The following SNX25 variants were observed in gnomAD, a reference collection of about 807,000 sequenced individuals.
The protein encoded by SNX25 is sorting nexin-25.
In SNX25, 62 loss-of-function variants were observed where a neutral mutation model predicts 113.7. The ratio of observed to expected loss-of-function variants is 0.55; its 90% CI spans 0.44 to 0.67. The LOEUF (loss-of-function observed/expected upper bound fraction) is 0.67, where lower values mean the gene tolerates loss of function less well. Ranked by LOEUF, SNX25 falls within the 30% of genes least tolerant of loss-of-function variation. The pLI is 0.00. For synonymous variants in SNX25, 421 were observed against 436.2 expected, an observed-to-expected ratio of 0.97 and a Z score of 0.43; for missense variants, 1,014 against 1,161.0, an observed-to-expected ratio of 0.87 and a Z score of 1.84.
intron 8 of SNX25, among the ~76,000 whole-genome samples, chr4:185,321,069 GA>G (rs1404147094): frequency 6.6e-6 from 1 of 151,842 alleles, no homozygotes; most frequent in Non-Finnish European, 1.5e-5. Flanking sequence ...GTAGTCAAGG[GA>G]AAAAAGGTTT....
At chr4:185,272,540 G>A (rs933789382) in intron 5 of SNX25, among the ~76,000 whole-genome samples, 6 of 152,064 alleles carry the variant, frequency 3.9e-5, no homozygotes, top group African/African-American at 7.2e-5. Context: ...TAGGTGCCTC[G>A]GCTTCACCCC....
intron 5 of SNX25, among the ~76,000 whole-genome samples, chr4:185,276,814 G>GC (rs1749768451): frequency 6.6e-6 from 1 of 152,208 alleles, no homozygotes; most frequent in Non-Finnish European, 1.5e-5. Flanking sequence ...CCTGCTGGCT[G>GC]CCCTTGGAGG....
At chr4:185,375,327 G>A in the SNX25 span, among the ~76,000 whole-genome samples, 2 of 148,586 alleles carry the variant, frequency 1.3e-5, no homozygotes, top group Non-Finnish European at 3.0e-5. Context: ...CGTGGTGGCA[G>A]TGCCTGTAAT....
chr4:185,276,326 A>C (rs1279189419), intron 5 of SNX25, among the ~76,000 whole-genome samples: 1 of 152,212 alleles, frequency 6.6e-6, no homozygotes, highest in Non-Finnish European at 1.5e-5. Context: ...AGGATAGCAA[A>C]TAGATTTAAT....
At chr4:185,354,817 G>T (rs1290046357) in intron 15 of SNX25, among the ~76,000 whole-genome samples, 2 of 152,214 alleles carry the variant, frequency 1.3e-5, no homozygotes, top group African/African-American at 4.8e-5. Flanking sequence ...CATACCTAGA[G>T]CCTCAGTACC....
At chr4:185,212,491 G>GTGTGTGTTTTTGTTTTT (rs546083196) in intron 1 of SNX25, among the ~76,000 whole-genome samples, 44 of 104,944 alleles carry the variant, frequency 4.2e-4, no homozygotes, top group East Asian at 1.3e-3. Flanking sequence ...GTGTGTGTGT[G>GTGTGTGTTTTTGTTTTT]TTTTTTTTTT....
At chr4:185,213,084 T>C (rs1237090649) in intron 1 of SNX25, among the ~76,000 whole-genome samples, 1 of 152,236 alleles carries the variant, frequency 6.6e-6, no homozygotes, top group Non-Finnish European at 1.5e-5. Context: ...TTTCAAATGC[T>C]TCTGAATACT....
chr4:185,348,734 CCTTT>C (rs1339108189), intron 13 of SNX25, among the ~76,000 whole-genome samples: 1 of 152,128 alleles, frequency 6.6e-6, no homozygotes, highest in Non-Finnish European at 1.5e-5. Flanking sequence ...CATTAAAAAA[CCTTT>C]CTTCTAGCTC....
chr4:185,264,688 G>T, intron 4 of SNX25, 78 bp downstream of exon 4: 2 of 1,401,376 alleles, frequency 1.4e-6, no homozygotes, highest in Non-Finnish European at 2.0e-6. Flanking sequence ...GTTTACTGTT[G>T]AACATATGGG....
At chr4:185,361,328 A>G (rs2095362537) in intron 16 of SNX25, among the ~76,000 whole-genome samples, 1 of 152,220 alleles carries the variant, frequency 6.6e-6, no homozygotes, top group Non-Finnish European at 1.5e-5. Flanking sequence ...TGCAGTCTGC[A>G]GACAAATCAG....
chr4:185,249,403 A>G (rs544898877), intron 2 of SNX25, among the ~76,000 whole-genome samples: 3 of 152,096 alleles, frequency 2.0e-5, no homozygotes. Flanking sequence ...ACACCTTTTC[A>G]TGTGTTATTG....
Position 185,363,135 on chromosome 4 carries a change from G to A in SNX25, c.2935-250G>A, listed in dbSNP as rs1044936929. ...TGGGATTACAGGCGGGAGCCACCTC[G>A]CCCATCCTCCCTTGACTTTTGATAT... is the stretch of plus-strand genomic sequence containing the variant. On this transcript the variant is annotated intron_variant, in intron 18 of 18. Coordinates refer to ENST00000652585, the MANE Select transcript of SNX25 (RefSeq NM_001378034.2). This position sits in a 1 kb window ranked among gnomAD's most constrained non-coding sequence, Gnocchi z 4.2. 1.3e-5 allele frequency among the ~76,000 whole-genome samples: 2 copies of A among 151,966 alleles called. No individual in the cohort carries two copies. Among genetic ancestry groups the A allele is most frequent in the Non-Finnish European group, 2.9e-5 (2 of 67,978 alleles).
chr4:185,223,740 CG>C lies in SNX25; in HGVS notation c.429+13486del, dbSNP rs1437403848. Reference sequence around the variant, plus strand: ...AGCTTGCAGTGAGCCGAGATCGTGCCGAAAAAAAAAAAAAAGTCATGTTGTA... The same window carrying C: ...AGCTTGCAGTGAGCCGAGATCGTGCCAAAAAAAAAAAAAAGTCATGTTGTA... On this transcript the variant is annotated intron_variant, in intron 1 of 18. Coordinates refer to ENST00000652585, the MANE Select transcript of SNX25 (RefSeq NM_001378034.2). Among the ~76,000 whole-genome samples, 121 of 79,182 alleles carry C rather than the reference CG, an allele frequency of 1.5e-3. 1 individual carries two copies. The highest frequency in any genetic ancestry group is 4.8e-3 in the African/African-American group (113 of 23,386). The allele number at this position is 79,182 out of a possible 152,430, so 51.9% of individuals were successfully genotyped here.
chr4:185,224,438 G>A (rs181713214), intron 1 of SNX25, among the ~76,000 whole-genome samples: 38 of 62,274 alleles, frequency 6.1e-4, no homozygotes, highest in South Asian at 1.2e-3. Context: ...AAAATATATA[G>A]ATATATAAAT....
chr4:185,321,290 C>G (rs190593464), intron 8 of SNX25, among the ~76,000 whole-genome samples: 164 of 143,542 alleles, frequency 1.1e-3, no homozygotes, highest in African/African-American at 4.2e-3. Flanking sequence ...TGAGACGGAG[C>G]CTTACTCTTT....
intron 2 of SNX25, among the ~76,000 whole-genome samples, chr4:185,250,068 T>C (rs1471725706): frequency 6.6e-6 from 1 of 152,214 alleles, no homozygotes; most frequent in Non-Finnish European, 1.5e-5. Flanking sequence ...TAGATTCTTT[T>C]ATCTTCCTCT....
downstream of SNX25, chr4:185,364,988 GA>G: frequency 6.7e-6 from 1 of 150,154 alleles, no homozygotes. Context: ...CAGCTACAAG[GA>G]ATCTTAGAGA....
chr4:185,364,907 G>A (rs532020505), downstream of SNX25: 5 of 152,200 alleles, frequency 3.3e-5, no homozygotes, highest in East Asian at 3.9e-4. Context: ...TTTACATTGC[G>A]AATGAGAAAG....
At chr4:185,341,003 TA>T (rs1420456349) in intron 11 of SNX25, among the ~76,000 whole-genome samples, 2 of 152,230 alleles carry the variant, frequency 1.3e-5, no homozygotes, top group Non-Finnish European at 2.9e-5. Flanking sequence ...TCTACTTCCC[TA>T]TCCTTACAGT....
Sources: allele counts gnomAD v4.1 joint callset (sites outside exome capture counted in the v4.1 genomes callset), GRCh38; gene constraint gnomAD v4.1.1; non-coding constraint Gnocchi (gnomAD v3.1); transcripts MANE v1.5; gene names NCBI Gene and HGNC (gene_info 2026-07-23, HGNC 2026-07-21).